The following CSMD1 variants were observed in gnomAD, a reference collection of about 807,000 sequenced individuals.
CSMD1 encodes the protein CUB and sushi domain-containing protein 1.
Under a neutral mutation model 417.5 loss-of-function variants are expected in CSMD1, and 213 were observed. That is an observed-to-expected ratio of 0.51 (90% CI 0.46 to 0.57). CSMD1 has a LOEUF of 0.57. Ranked by LOEUF, CSMD1 falls within the 20% of genes least tolerant of loss-of-function variation. CSMD1 has a pLI of 0.00. For missense variants in CSMD1, 6,923 were observed against 4,529.7 expected (o/e 1.53, Z -15.17); for synonymous variants, 2,862 against 1,736.8 (o/e 1.65, Z -16.11).
At chr8:3,233,447 T>C (rs1465461360) in intron 26 of CSMD1, among the ~76,000 whole-genome samples, 1 of 152,250 alleles carries the variant, frequency 6.6e-6, no homozygotes, top group Non-Finnish European at 1.5e-5. Context: ...GTGAGAAGTA[T>C]ATTTATTTTC....
In CSMD1 at chr8:3,407,509, A is replaced by C. The variant is rs549707169; in HGVS notation, c.2071+390T>G. ...GATGGATGAAATGATGGATGGATGA[A>C]TGAAAGGATACAGATGGACAGATGG... On this transcript the variant is annotated intron_variant, in intron 14 of 69. Transcript: ENST00000635120. Among the ~76,000 whole-genome samples the C allele has an allele frequency of 2.0e-5, 3 of 152,010 alleles. No homozygotes were observed. The South Asian group carries it at 6.2e-4, about 32-fold the overall frequency.
At chr8:3,372,328 T>C (rs1229291280) in intron 18 of CSMD1, among the ~76,000 whole-genome samples, 1 of 152,086 alleles carries the variant, frequency 6.6e-6, no homozygotes, top group East Asian at 1.9e-4. Flanking sequence ...TGGGGGGTCC[T>C]TGTAAGGGTT....
chr8:4,764,835 T>G (rs1435604389), intron 1 of CSMD1, among the ~76,000 whole-genome samples: 3 of 118,034 alleles, frequency 2.5e-5, no homozygotes, highest in Non-Finnish European at 4.9e-5. Context: ...ATCGCGCCAC[T>G]GCACTCCAGC....
At chr8:4,161,166 G>T (rs1277356613) in intron 3 of CSMD1, among the ~76,000 whole-genome samples, 2 of 151,386 alleles carry the variant, frequency 1.3e-5, no homozygotes, top group African/African-American at 4.9e-5. Flanking sequence ...AAGTTCAGAA[G>T]GATGAAGTAC....
chr8:4,146,664 C>T lies in CSMD1; in HGVS notation c.416-114565G>A, dbSNP rs111505945. Among the ~76,000 whole-genome samples, 897 of 114,874 alleles carry T rather than the reference C, an allele frequency of 7.8e-3. 43 individuals are homozygous for T. Among genetic ancestry groups the T allele is most frequent in the African/African-American group, 0.03 (853 of 28,018 alleles). 75.4% of individuals were successfully genotyped at this position (114,874 alleles called of 152,430 possible). On this transcript the variant is annotated intron_variant, in intron 3 of 69. Transcript: ENST00000635120. ...TCTCGATCCGTCCCCCAGGCTGGAG[C>T]GCAGTGGTGTGATCTGGACTCACTG...
At chr8:3,480,011 A>G (rs2117238334) in intron 11 of CSMD1, among the ~76,000 whole-genome samples, 1 of 152,354 alleles carries the variant, frequency 6.6e-6, no homozygotes, top group Admixed American at 6.5e-5. Context: ...GAATCAGTGA[A>G]CTTGAGATCA....
intron 3 of CSMD1, among the ~76,000 whole-genome samples, chr8:4,242,162 A>C (rs1802442845): frequency 6.6e-6 from 1 of 152,340 alleles, no homozygotes; most frequent in South Asian, 2.1e-4. Flanking sequence ...CAAATTAGAC[A>C]TCCTTCTCAG....
At chr8:2,963,608 A>G (rs544049705) in intron 59 of CSMD1, among the ~76,000 whole-genome samples, 1 of 152,354 alleles carries the variant, frequency 6.6e-6, no homozygotes, top group East Asian at 1.9e-4. Context: ...TGAAGTCTAT[A>G]AAAGCAAAGT....
At chr8:3,036,029 T>C (rs1215243206) in intron 50 of CSMD1, among the ~76,000 whole-genome samples, 3 of 152,202 alleles carry the variant, frequency 2.0e-5, no homozygotes, top group Non-Finnish European at 4.4e-5. Flanking sequence ...AACCTTAAAT[T>C]ATGCTTCCCA....
chr8:3,571,005 G>C (rs192203922), intron 10 of CSMD1, among the ~76,000 whole-genome samples: 26 of 152,306 alleles, frequency 1.7e-4, no homozygotes, highest in Admixed American at 1.6e-3. Context: ...GATTATTGAT[G>C]TATAATCTGG....
intron 3 of CSMD1, among the ~76,000 whole-genome samples, chr8:4,253,060 G>C (rs139805405): frequency 0.015 from 2,305 of 152,332 alleles, 32 homozygotes; most frequent in Non-Finnish European, 0.022. Flanking sequence ...CTTACGATGA[G>C]ACTACAAGCT....
chr8:3,411,691 TACACAC>T (rs1812715229), intron 12 of CSMD1, among the ~76,000 whole-genome samples: 1 of 110,388 alleles, frequency 9.1e-6, no homozygotes, highest in Non-Finnish European at 2.0e-5. Context: ...CGTGTATATA[TACACAC>T]GTATATATAC....
intron 5 of CSMD1, among the ~76,000 whole-genome samples, chr8:3,992,612 T>C (rs762365666): frequency 2.6e-5 from 4 of 152,130 alleles, no homozygotes; most frequent in African/African-American, 9.7e-5. Flanking sequence ...AGTACGTCCG[T>C]GTGTCTACAA....
At chr8:3,035,065 CAGGAGGCAACACGAAACAGCCT>C (rs1810583332) in intron 50 of CSMD1, among the ~76,000 whole-genome samples, 5 of 152,134 alleles carry the variant, frequency 3.3e-5, no homozygotes, top group Non-Finnish European at 5.9e-5. Flanking sequence ...GAGTTACAGT[CAGGAGGCAACACGAAACAGCCT>C]GAGTACCTCT....
At chr8:3,178,726 C>T (rs1031196088) in intron 37 of CSMD1, among the ~76,000 whole-genome samples, 1 of 151,884 alleles carries the variant, frequency 6.6e-6, no homozygotes, top group East Asian at 1.9e-4. Context: ...ATAGAGTAAG[C>T]GTCTACTTTT....
At chr8:4,955,805 T>C (rs991283178) in intron 1 of CSMD1, among the ~76,000 whole-genome samples, 1 of 84,728 alleles carries the variant, frequency 1.2e-5, no homozygotes, top group Non-Finnish European at 2.6e-5. Flanking sequence ...TACCTTCAAA[T>C]TGGCCAACAT....
chr8:4,338,750 A>G (rs114679306), intron 3 of CSMD1, among the ~76,000 whole-genome samples: 1,948 of 152,230 alleles, frequency 0.013, 47 homozygotes, highest in African/African-American at 0.045. Flanking sequence ...TCATAAGCGA[A>G]TATTAAATTC....
intron 3 of CSMD1, among the ~76,000 whole-genome samples, chr8:4,062,264 C>A (rs1329548400): frequency 6.6e-6 from 1 of 152,036 alleles, no homozygotes; most frequent in Non-Finnish European, 1.5e-5. Context: ...GTCATAAATG[C>A]TGCAATAAAA....
chr8:4,423,155 A>C (rs1358793176), intron 2 of CSMD1, among the ~76,000 whole-genome samples: 1 of 152,118 alleles, frequency 6.6e-6, no homozygotes, highest in African/African-American at 2.4e-5. Context: ...AAATTTGAAC[A>C]AGTCAAGAAT....
Sources: allele counts gnomAD v4.1 joint callset (sites outside exome capture counted in the v4.1 genomes callset), GRCh38; gene constraint gnomAD v4.1.1; transcripts MANE v1.5; gene names NCBI Gene and HGNC (gene_info 2026-07-23, HGNC 2026-07-21).